Variants in CSMD1 observed in about 807,000 individuals in gnomAD.
CSMD1 encodes CUB and sushi domain-containing protein 1.
A neutral mutation model predicts 417.5 loss-of-function variants in CSMD1; 213 were observed. The observed-to-expected ratio is 0.51, with a 90% confidence interval of 0.46 to 0.57. CSMD1 has a LOEUF of 0.57. Ranked by LOEUF, CSMD1 falls within the 20% of genes least tolerant of loss-of-function variation. The probability of loss-of-function intolerance (pLI) is 0.00; values close to 1 mark genes in which losing one functional copy is unlikely to be tolerated. For missense variants in CSMD1, 6,923 were observed against 4,529.7 expected (o/e 1.53, Z -15.17); for synonymous variants, 2,862 against 1,736.8 (o/e 1.65, Z -16.11).
intron 3 of CSMD1, among the ~76,000 whole-genome samples, chr8:4,086,946 G>C (rs1032105083): frequency 6.6e-6 from 1 of 152,210 alleles, no homozygotes; most frequent in Non-Finnish European, 1.5e-5. Context: ...CAGCTGTGTG[G>C]TTTGGGTAAA....
At chr8:3,182,231 A>C (rs1198518298) in intron 36 of CSMD1, among the ~76,000 whole-genome samples, 2 of 152,174 alleles carry the variant, frequency 1.3e-5, no homozygotes, top group African/African-American at 4.8e-5. Flanking sequence ...CACCACTTAA[A>C]CTATCCAATA....
At chr8:3,930,973 C>G (rs1810097403) in intron 5 of CSMD1, among the ~76,000 whole-genome samples, 1 of 150,548 alleles carries the variant, frequency 6.6e-6, no homozygotes, top group Non-Finnish European at 1.5e-5. Flanking sequence ...CAAAAACGCC[C>G]TGTGGAATAT....
chr8:3,496,297 T>C (rs1796361736), intron 10 of CSMD1, among the ~76,000 whole-genome samples: 1 of 152,168 alleles, frequency 6.6e-6, no homozygotes, highest in Non-Finnish European at 1.5e-5. Flanking sequence ...ACATTCCCTG[T>C]GTTGGCAGTT....
chr8:4,093,863 G>T (rs373769960), intron 3 of CSMD1, among the ~76,000 whole-genome samples: 4 of 152,104 alleles, frequency 2.6e-5, no homozygotes, highest in Admixed American at 6.5e-5. Context: ...GGGAGGCTGA[G>T]GCAGGAGAAT....
Position 4,300,258 on chromosome 8 carries a change from C to G in CSMD1, c.415+119695G>C, listed in dbSNP as rs569519414. Among the ~76,000 whole-genome samples, 52 of 152,320 alleles carry G rather than the reference C, an allele frequency of 3.4e-4. 1 individual carries two copies. In the South Asian group the frequency reaches 0.01, roughly 30 times the overall value. ...AAGTCGTTTGTAAACACAGAGCTTT[C>G]TGCATCTAACATATTTTCCTACACT... is the stretch of plus-strand genomic sequence containing the variant. On this transcript the variant is annotated intron_variant, in intron 3 of 69. Coordinates refer to ENST00000635120, the MANE Select transcript of CSMD1 (RefSeq NM_033225.6).
intron 3 of CSMD1, among the ~76,000 whole-genome samples, chr8:4,053,817 C>G (rs185491704): frequency 6.6e-6 from 1 of 151,982 alleles, no homozygotes; most frequent in Non-Finnish European, 1.5e-5. Flanking sequence ...TAAAGCTTTA[C>G]AAAAATGTTC....
intron 2 of CSMD1, among the ~76,000 whole-genome samples, chr8:4,426,073 A>G (rs935894655): frequency 2.7e-5 from 4 of 150,734 alleles, no homozygotes; most frequent in African/African-American, 9.9e-5. Flanking sequence ...GGCCATAAAT[A>G]AAAGGAATTA....
chr8:2,955,641 G>A lies in CSMD1; in HGVS notation c.9942C>T (p.His3314=). Residue 3314 remains histidine, a synonymous_variant, in exon 64 of 70, where the codon CAC becomes CAT. Coordinates refer to ENST00000635120, the MANE Select transcript of CSMD1 (RefSeq NM_033225.6). ...ATTTCATGTCTGCTTTACATGTTCTGTGCTCAGATCCCCCTGCGAGGAAAA... is the reference window on the plus strand; with the variant it reads ...ATTTCATGTCTGCTTTACATGTTCTATGCTCAGATCCCCCTGCGAGGAAAA... ...PGFFLAGGSE[H]RTCKADMKWT... is the part of the protein sequence containing the mutation. 6.2e-7 allele frequency: 1 copy of A among 1,613,816 alleles called. No homozygotes were observed. The highest frequency in any genetic ancestry group is 1.1e-5 in the South Asian group (1 of 91,068).
chr8:3,702,767 G>A (rs559206946), intron 7 of CSMD1, among the ~76,000 whole-genome samples: 2 of 152,206 alleles, frequency 1.3e-5, no homozygotes, highest in East Asian at 3.9e-4. Flanking sequence ...GGGAGGTGCA[G>A]GTTGCAGTTA....
intron 3 of CSMD1, among the ~76,000 whole-genome samples, chr8:4,244,536 T>C (rs1457494079): frequency 6.6e-6 from 1 of 151,682 alleles, no homozygotes; most frequent in Non-Finnish European, 1.5e-5. Flanking sequence ...AAATTTTCTT[T>C]CTTTTTTCTT....
chr8:3,591,650 T>C (rs1449469302), intron 8 of CSMD1, among the ~76,000 whole-genome samples: 1 of 152,190 alleles, frequency 6.6e-6, no homozygotes, highest in Non-Finnish European at 1.5e-5. Context: ...GCTCAGCGTC[T>C]ACTGAATCTG....
intron 6 of CSMD1, among the ~76,000 whole-genome samples, chr8:3,726,664 C>T (rs1462671060): frequency 1.3e-5 from 2 of 152,140 alleles, no homozygotes; most frequent in East Asian, 1.9e-4. Context: ...CAGGTGACAT[C>T]AGTCTGTAGT....
At position 4,568,303 on chromosome 8, in the gene CSMD1, C is replaced by T. The variant is rs145310029; in HGVS notation, c.302+69039G>A. Reference sequence around the variant, plus strand: ...CCCTTACCCCACCACCCGAAAGGCCCGTCTATGATGTGTCCCTGTGTCCCT... The same window carrying T: ...CCCTTACCCCACCACCCGAAAGGCCTGTCTATGATGTGTCCCTGTGTCCCT... On this transcript the variant is annotated intron_variant, in intron 2 of 69. Coordinates refer to ENST00000635120, the MANE Select transcript of CSMD1 (RefSeq NM_033225.6). Among the ~76,000 whole-genome samples the T allele has an allele frequency of 3.6e-3, 548 of 152,130 alleles. 3 individuals carry two copies. Among genetic ancestry groups the T allele is most frequent in the African/African-American group, 0.012 (511 of 41,504 alleles).
At chr8:4,530,206 C>T (rs1796733140) in intron 2 of CSMD1, among the ~76,000 whole-genome samples, 1 of 151,734 alleles carries the variant, frequency 6.6e-6, no homozygotes. Context: ...AGCCACCGCG[C>T]CAGGCCTGCC....
intron 1 of CSMD1, among the ~76,000 whole-genome samples, chr8:4,832,738 G>A (rs574311081): frequency 5.9e-5 from 9 of 152,166 alleles, no homozygotes; most frequent in Non-Finnish European, 1.3e-4. Context: ...TTAAAGTGGA[G>A]AGAGATTACT....
chr8:4,623,691 A>C (rs1801915090), intron 2 of CSMD1, among the ~76,000 whole-genome samples: 2 of 152,154 alleles, frequency 1.3e-5, no homozygotes, highest in African/African-American at 2.4e-5. Flanking sequence ...GATGGACCTC[A>C]AAATCATTAT....
intron 20 of CSMD1, among the ~76,000 whole-genome samples, chr8:3,362,803 C>G (rs1273500355): frequency 2.0e-5 from 3 of 152,178 alleles, no homozygotes; most frequent in African/African-American, 7.2e-5. Context: ...ACCTTCACTT[C>G]CTGCCAATCA....
intron 7 of CSMD1, among the ~76,000 whole-genome samples, chr8:3,656,038 G>C (rs1012520312): frequency 5.3e-5 from 8 of 152,074 alleles, no homozygotes; most frequent in Admixed American, 1.3e-4. Flanking sequence ...ATCTCTCTGG[G>C]GGAAATAACA....
At chr8:3,512,175 C>G (rs769402963) in intron 10 of CSMD1, among the ~76,000 whole-genome samples, 1 of 152,220 alleles carries the variant, frequency 6.6e-6, no homozygotes, top group Non-Finnish European at 1.5e-5. Context: ...GAATTTCTTA[C>G]TATCCTGGCA....
Sources: allele counts gnomAD v4.1 joint callset (sites outside exome capture counted in the v4.1 genomes callset), GRCh38; gene constraint gnomAD v4.1.1; transcripts MANE v1.5; gene names NCBI Gene and HGNC (gene_info 2026-07-23, HGNC 2026-07-21).